NDRG4: variants seen among roughly 807,000 people sequenced by gnomAD.
NDRG4 encodes NDRG family member 4.
A neutral mutation model predicts 55.8 loss-of-function variants in NDRG4; 38 were observed. The ratio of observed to expected loss-of-function variants is 0.68; its 90% CI spans 0.53 to 0.89. NDRG4 has a LOEUF of 0.89. Ranked by LOEUF, NDRG4 falls within the 40% of genes least tolerant of loss-of-function variation. The probability of loss-of-function intolerance (pLI) is 0.00; values close to 1 mark genes in which losing one functional copy is unlikely to be tolerated. For synonymous variants in NDRG4, 190 were observed against 182.7 expected (o/e 1.04, Z -0.32); for missense variants, 455 against 468.6 (o/e 0.97, Z 0.27).
chr16:58,468,917 G>A (rs141023436), intron 1 of NDRG4, among the ~76,000 whole-genome samples: 1 of 152,108 alleles, frequency 6.6e-6, no homozygotes, highest in East Asian at 1.9e-4. Flanking sequence ...TTGTTTCTGC[G>A]CATTGGCACT....
At chr16:58,510,774 A>T in intron 14 of NDRG4, 91 bp downstream of exon 14, 1 of 1,241,332 alleles carries the variant, frequency 8.1e-7, no homozygotes, top group Non-Finnish European at 1.1e-6. Context: ...GCCAGGCCGC[A>T]TCTTGCTGTG....
chr16:58,508,050 C>A, intron 10 of NDRG4, 51 bp downstream of exon 10: 1 of 1,471,310 alleles, frequency 6.8e-7, no homozygotes, highest in Non-Finnish European at 9.2e-7. Flanking sequence ...GGGTGAGGGG[C>A]TCACTGGCCC....
chr16:58,512,283 G>A lies in NDRG4; in HGVS notation c.*707G>A, dbSNP rs569148983. 4.0e-5 allele frequency: 14 copies of A among 353,674 alleles called. No homozygotes were observed. The highest frequency in any genetic ancestry group is 7.2e-5 in the Non-Finnish European group (13 of 180,364). The allele number at this position is 353,674 out of a possible 1,614,324, so 21.9% of individuals were successfully genotyped here. On this transcript the variant is annotated 3_prime_UTR_variant, in exon 15 of 15. Transcript: ENST00000570248. Reference sequence around the variant, plus strand: ...GGCCCTGTCCCAATTCTGAGCCAAGGCCTCCCCGAGGCAGAAGTTGCCTGG... The same window carrying A: ...GGCCCTGTCCCAATTCTGAGCCAAGACCTCCCCGAGGCAGAAGTTGCCTGG...
chr16:58,492,824 G>C (rs571800246), intron 2 of NDRG4, among the ~76,000 whole-genome samples: 2 of 152,198 alleles, frequency 1.3e-5, no homozygotes, highest in East Asian at 3.9e-4. Context: ...CAGCCCGCTT[G>C]TGCAAGGTCT....
rs2037537733 is a variant in NDRG4 at position 58,504,192 on chromosome 16, A to G, written c.166A>G (p.Met56Val). 6.2e-7 allele frequency: 1 copy of G among 1,614,198 alleles called. No individual in the cohort carries two copies. Among genetic ancestry groups the G allele is most frequent in the East Asian group, 2.2e-5 (1 of 44,880 alleles). Residue 56 changes from methionine to valine, a missense_variant, in exon 3 of 15, where the codon ATG becomes GTG. Coordinates refer to ENST00000570248, the MANE Select transcript of NDRG4 (RefSeq NM_001242835.2). ...CAACACCTTCTTCAACTTCGAGGACATGCAGGAGATCACCAAGCACTTTGT... is the reference window on the plus strand; with the variant it reads ...CAACACCTTCTTCAACTTCGAGGACGTGCAGGAGATCACCAAGCACTTTGT... ...CFNTFFNFED[M>V]QEITKHFVVC...
At chr16:58,487,014 GTTCC>G (rs2035177805) in intron 1 of NDRG4, among the ~76,000 whole-genome samples, 2 of 139,482 alleles carry the variant, frequency 1.4e-5, no homozygotes. Context: ...TCTCAGCTCT[GTTCC>G]TCTCCAGTCT....
chr16:58,499,457 C>T (rs1374493794), upstream of NDRG4: 1 of 152,650 alleles, frequency 6.6e-6, no homozygotes, highest in Admixed American at 6.5e-5. Flanking sequence ...CCCCCGGCCC[C>T]CAAACTCCAT....
chr16:58,475,160 G>A (rs1201537025), intron 1 of NDRG4, among the ~76,000 whole-genome samples: 2 of 152,228 alleles, frequency 1.3e-5, no homozygotes, highest in Non-Finnish European at 2.9e-5. Context: ...TCCAGGATAT[G>A]TGTATCTGGG....
At chr16:58,480,577 T>C (rs530818034) in intron 1 of NDRG4, among the ~76,000 whole-genome samples, 1 of 152,228 alleles carries the variant, frequency 6.6e-6, no homozygotes, top group Non-Finnish European at 1.5e-5. Context: ...ACAGTGGCAT[T>C]TGAGCAACAA....
In NDRG4 at chr16:58,503,819, T is replaced by C. The variant is rs750911191; in HGVS notation, c.43T>C (p.Tyr15His). The change falls in exon 2 of 15, where the codon TAC becomes CAC. Residue 15 changes from tyrosine (Y) to histidine (H), a missense_variant. By Grantham distance (83) the Tyr-to-His change is moderately conservative (BLOSUM62 2). Coordinates refer to ENST00000570248, the MANE Select transcript of NDRG4 (RefSeq NM_001242835.2). ...WDGEHDIETP[Y>H]GLLHVVIRGS... Reference sequence around the variant, plus strand: ...TCAGGAACATGACATCGAGACACCCTACGGCCTTCTGCATGTAGTGATCCG... The same window carrying C: ...TCAGGAACATGACATCGAGACACCCCACGGCCTTCTGCATGTAGTGATCCG... The C allele has an allele frequency of 6.2e-7, 1 of 1,613,958 alleles. No individual in the cohort carries two copies. The highest frequency in any genetic ancestry group is 1.1e-5 in the South Asian group (1 of 91,088).
downstream of NDRG4, among the ~76,000 whole-genome samples, chr16:58,515,313 A>G (rs1314358554): frequency 6.6e-6 from 1 of 152,236 alleles, no homozygotes; most frequent in Non-Finnish European, 1.5e-5. Flanking sequence ...CCAGGCGCCA[A>G]GCGGCACGGG....
At chr16:58,483,572 A>G (rs1306575712) in intron 1 of NDRG4, among the ~76,000 whole-genome samples, 1 of 152,080 alleles carries the variant, frequency 6.6e-6, no homozygotes, top group Non-Finnish European at 1.5e-5. Flanking sequence ...CCTCTCCCTC[A>G]TCCCCTGTAC....
intron 11 of NDRG4, 44 bp downstream of exon 11, chr16:58,509,053 G>A (rs368317626): frequency 9.8e-5 from 158 of 1,613,916 alleles, no homozygotes; most frequent in Non-Finnish European, 1.2e-4. Context: ...CCCTAGCATG[G>A]GCCCAACCTC....
intron 1 of NDRG4, chr16:58,487,706 G>A: frequency 2.8e-6 from 4 of 1,411,388 alleles, no homozygotes; most frequent in South Asian, 2.7e-5. Context: ...GTCCTTCTCC[G>A]CCCGGGCGTC....
chr16:58,505,146 A>T (rs28529020), intron 5 of NDRG4, among the ~76,000 whole-genome samples: 2 of 152,058 alleles, frequency 1.3e-5, no homozygotes, highest in South Asian at 2.1e-4. Context: ...TCAGGAGATC[A>T]AGACCATCCT....
In NDRG4 at chr16:58,504,666, C is replaced by T. The variant is rs1567342707; in HGVS notation, c.372+17C>T. The T allele has an allele frequency of 2.5e-6, 4 of 1,614,140 alleles. No homozygotes were observed. Among genetic ancestry groups the T allele is most frequent in the Non-Finnish European group, 3.4e-6 (4 of 1,179,970 alleles). On this transcript the variant is annotated intron_variant, in intron 5 of 14. Transcript: ENST00000570248. The stretch of plus-strand genomic sequence containing the variant: ...AAGTTTGCAGTGAGTCTCCCCATGC[C>T]CCCATTACCCCAAACACCAGGGCAA...
chr16:58,473,452 C>T (rs530193202), intron 1 of NDRG4, among the ~76,000 whole-genome samples: 4 of 152,300 alleles, frequency 2.6e-5, no homozygotes, highest in African/African-American at 9.6e-5. Context: ...GCCTGAGCCA[C>T]CGTGCTAACC....
chr16:58,483,028 C>T (rs1329798180), intron 1 of NDRG4, among the ~76,000 whole-genome samples: 1 of 152,120 alleles, frequency 6.6e-6, no homozygotes, highest in Non-Finnish European at 1.5e-5. Flanking sequence ...TCAAGTGATC[C>T]ACCTGCCTTG....
Position 58,512,038 on chromosome 16 carries a change from G to C in NDRG4, c.*462G>C. 2 of 458,218 alleles carry C rather than the reference G, an allele frequency of 4.4e-6. No homozygotes were observed. Among genetic ancestry groups the C allele is most frequent in the Non-Finnish European group, 8.8e-6 (2 of 228,068 alleles). 28.4% of individuals were successfully genotyped at this position (458,218 alleles called of 1,614,324 possible). Reference sequence around the variant, plus strand: ...CCCTCCACCAAGCACACCTGTTTCTGTCTCATAGCACATGTGACAATCATC... The same window carrying C: ...CCCTCCACCAAGCACACCTGTTTCTCTCTCATAGCACATGTGACAATCATC... On this transcript the variant is annotated 3_prime_UTR_variant, in exon 15 of 15. Transcript: ENST00000570248.
Sources: gnomAD v4.1 joint callset for allele counts (sites outside exome capture counted in the v4.1 genomes callset) on GRCh38, gnomAD v4.1.1 for gene constraint, MANE v1.5 for transcripts, NCBI Gene and HGNC (gene_info 2026-07-23, HGNC 2026-07-21) for gene names.